TBXAS1: variants seen among roughly 807,000 people sequenced by gnomAD.
TBXAS1 encodes the protein thromboxane-A synthase.
TBXAS1 carries 48 observed loss-of-function variants against 60.7 expected under a neutral mutation model. That is an observed-to-expected ratio of 0.79 (90% CI 0.63 to 1.01). The LOEUF (loss-of-function observed/expected upper bound fraction) is 1.01, where lower values mean the gene tolerates loss of function less well. Among genes scored for constraint, TBXAS1 ranks in the 50% least tolerant of loss-of-function variants. The pLI is 0.00. For synonymous variants in TBXAS1, 287 were observed against 269.7 expected, an observed-to-expected ratio of 1.06 and a Z score of -0.63; for missense variants, 685 against 686.3, an observed-to-expected ratio of 1.00 and a Z score of 0.02.
At chr7:139,851,459 A>G (rs2116650546) in intron 1 of TBXAS1, among the ~76,000 whole-genome samples, 1 of 152,392 alleles carries the variant, frequency 6.6e-6, no homozygotes, top group East Asian at 1.9e-4. Flanking sequence ...GTTAGCTATT[A>G]TTAAACATAC....
At chr7:139,948,580 A>T (rs1808937909) in intron 5 of TBXAS1, among the ~76,000 whole-genome samples, 1 of 152,356 alleles carries the variant, frequency 6.6e-6, no homozygotes, top group East Asian at 1.9e-4. Flanking sequence ...GTGCATTGTG[A>T]AAAATTTGGA....
chr7:139,860,111 G>A (rs1800859560), intron 1 of TBXAS1, among the ~76,000 whole-genome samples: 1 of 152,182 alleles, frequency 6.6e-6, no homozygotes, highest in East Asian at 1.9e-4. Context: ...CTCCAGCCTG[G>A]ACAACAGAGG....
intron 3 of TBXAS1, among the ~76,000 whole-genome samples, chr7:139,906,975 A>G (rs1807816188): frequency 1.3e-5 from 2 of 152,216 alleles, no homozygotes; most frequent in African/African-American, 4.8e-5. Flanking sequence ...ATATCATGTC[A>G]TCTCAAAATA....
intron 9 of TBXAS1, among the ~76,000 whole-genome samples, chr7:139,980,464 C>A (rs1584997595): frequency 1.3e-5 from 2 of 152,182 alleles, no homozygotes; most frequent in East Asian, 3.9e-4. Context: ...CCCTGTTGTC[C>A]ATGTCTGGTC....
rs750964165 is a variant in TBXAS1 at position 139,957,782 on chromosome 7, G to A, written c.819+18G>A. The A allele has an allele frequency of 6.2e-7, 1 of 1,613,922 alleles. No individual in the cohort carries two copies. Among genetic ancestry groups the A allele is most frequent in the Admixed American group, 1.7e-5 (1 of 59,998 alleles). On this transcript the variant is annotated intron_variant, in intron 8 of 12. Transcript: ENST00000448866. ...CCGAAGAGGTAACGTATTTTAATAGGACACAGCCTTGAAATGGAATGGAGC... is the reference window on the plus strand; with the variant it reads ...CCGAAGAGGTAACGTATTTTAATAGAACACAGCCTTGAAATGGAATGGAGC...
chr7:139,987,648 A>T (rs1015424789), intron 9 of TBXAS1, among the ~76,000 whole-genome samples: 8 of 152,206 alleles, frequency 5.3e-5, no homozygotes, highest in African/African-American at 1.9e-4. Flanking sequence ...ACCCTAAAAC[A>T]GTCACCTAAT....
chr7:139,813,186 G>T (rs1220971542), intron 4 of TBXAS1, among the ~76,000 whole-genome samples: 2 of 152,196 alleles, frequency 1.3e-5, no homozygotes, highest in African/African-American at 4.8e-5. Context: ...CTCTGAGGAG[G>T]CGCTCATTCC....
intron 1 of TBXAS1, among the ~76,000 whole-genome samples, chr7:139,854,910 A>T (rs755522515): frequency 3.3e-5 from 5 of 152,156 alleles, no homozygotes; most frequent in Non-Finnish European, 7.3e-5. Flanking sequence ...TCTACTCTGT[A>T]AGTATCTTTG....
rs1383591885 is a variant in TBXAS1, at chr7:139,852,965, C to T, written c.90-19270C>T. 6.6e-6 allele frequency among the ~76,000 whole-genome samples: 1 copy of T among 150,964 alleles called. No homozygotes were observed. The highest frequency in any genetic ancestry group is 2.0e-4 in the East Asian group (1 of 5,126). ...ACACACACACACACACACACACACA[C>T]ACACACACACACACACACACACACA... On this transcript the variant is annotated intron_variant, in intron 1 of 12. Transcript: ENST00000448866. The surrounding 1 kb of genome is among the most constrained non-coding windows in gnomAD (Gnocchi z 4.4).
intron 4 of TBXAS1, among the ~76,000 whole-genome samples, chr7:139,917,176 A>C (rs1806057119): frequency 6.6e-6 from 1 of 152,146 alleles, no homozygotes; most frequent in African/African-American, 2.4e-5. Flanking sequence ...GCAAGGGAGA[A>C]GTTCTTCCTG....
At chr7:139,809,320 TTAGA>T (rs55917453) in intron 4 of TBXAS1, among the ~76,000 whole-genome samples, 45,477 of 144,644 alleles carry the variant, frequency 0.31, 7,193 homozygotes, top group South Asian at 0.39. Context: ...CAATAGGAGA[TTAGA>T]TAGATAGATA....
At chr7:139,972,662 A>C (rs1006455460) in intron 9 of TBXAS1, among the ~76,000 whole-genome samples, 1 of 152,122 alleles carries the variant, frequency 6.6e-6, no homozygotes, top group African/African-American at 2.4e-5. Flanking sequence ...TCTTGTCCCC[A>C]AAAAACCTTT....
chr7:139,792,998 G>T (rs950436146), intron 4 of TBXAS1, among the ~76,000 whole-genome samples: 1 of 152,194 alleles, frequency 6.6e-6, no homozygotes, highest in African/African-American at 2.4e-5. Flanking sequence ...TAGACAAAAT[G>T]TTCAGACCAG....
At chr7:139,886,424 A>G (rs1464422838) in intron 3 of TBXAS1, among the ~76,000 whole-genome samples, 1 of 147,254 alleles carries the variant, frequency 6.8e-6, no homozygotes, top group African/African-American at 2.5e-5. Context: ...CCTCGGCTTA[A>G]AGAGGAACCT....
At chr7:139,946,673 A>G (rs942787259) in intron 5 of TBXAS1, among the ~76,000 whole-genome samples, 4 of 152,182 alleles carry the variant, frequency 2.6e-5, no homozygotes, top group Admixed American at 2.6e-4. Flanking sequence ...GGGAGGACGG[A>G]TCCCTCCAGA....
intron 3 of TBXAS1, among the ~76,000 whole-genome samples, chr7:139,895,299 G>A (rs1235516644): frequency 2.0e-5 from 3 of 151,772 alleles, no homozygotes; most frequent in South Asian, 2.1e-4. Context: ...GAAAGCCTTC[G>A]TTGCCAGGCG....
chr7:139,972,507 G>A (rs1356003324), intron 9 of TBXAS1, among the ~76,000 whole-genome samples: 3 of 152,088 alleles, frequency 2.0e-5, no homozygotes, highest in African/African-American at 7.2e-5. Flanking sequence ...AAAAGAATGG[G>A]TTTTATTCCC....
intron 4 of TBXAS1, among the ~76,000 whole-genome samples, chr7:139,920,208 A>G (rs562776504): frequency 1.3e-4 from 20 of 152,346 alleles, no homozygotes; most frequent in Non-Finnish European, 2.8e-4. Context: ...TTTGAAGCAG[A>G]GCAAGTAAAG....
intron 1 of TBXAS1, among the ~76,000 whole-genome samples, chr7:139,844,563 C>T (rs942515335): frequency 6.6e-6 from 1 of 152,186 alleles, no homozygotes; most frequent in African/African-American, 2.4e-5. Context: ...TAACCTGCAC[C>T]ACCATCGCGT....
Sources: allele counts gnomAD v4.1 joint callset (sites outside exome capture counted in the v4.1 genomes callset), GRCh38; gene constraint gnomAD v4.1.1; non-coding constraint Gnocchi (gnomAD v3.1); transcripts MANE v1.5; gene names NCBI Gene and HGNC (gene_info 2026-07-23, HGNC 2026-07-21).